Variants in FHAD1 observed in about 807,000 individuals in gnomAD.
FHAD1 encodes the protein forkhead associated phosphopeptide binding domain 1.
A neutral mutation model predicts 191.3 loss-of-function variants in FHAD1; 146 were observed. The ratio of observed to expected loss-of-function variants is 0.76; its 90% CI spans 0.67 to 0.88. The LOEUF (loss-of-function observed/expected upper bound fraction) is 0.88, where lower values mean the gene tolerates loss of function less well. Among genes scored for constraint, FHAD1 ranks in the 40% least tolerant of loss-of-function variants. The pLI, the probability that FHAD1 is intolerant of heterozygous loss-of-function variation, is 0.00. For synonymous variants in FHAD1, 616 were observed against 672.3 expected, an observed-to-expected ratio of 0.92 and a Z score of 1.29; for missense variants, 1,635 against 1,785.8, an observed-to-expected ratio of 0.92 and a Z score of 1.52.
At chr1:15,268,185 C>T (rs1400028776) in intron 2 of FHAD1, among the ~76,000 whole-genome samples, 1 of 141,652 alleles carries the variant, frequency 7.1e-6, no homozygotes, top group South Asian at 2.2e-4. Flanking sequence ...GTGATGTTCC[C>T]CTTCCTGTGT....
intron 3 of FHAD1, among the ~76,000 whole-genome samples, chr1:15,283,828 T>C (rs1661421113): frequency 6.6e-6 from 1 of 152,248 alleles, no homozygotes; most frequent in Admixed American, 6.5e-5. Flanking sequence ...CTTGGGGATT[T>C]TCACACCATC....
chr1:15,376,096 T>A (rs1463460025), intron 28 of FHAD1, among the ~76,000 whole-genome samples: 156 of 134,040 alleles, frequency 1.2e-3, no homozygotes, highest in African/African-American at 4.5e-3. Flanking sequence ...TTTATTTTTT[T>A]ATTTATTTTT....
intron 23 of FHAD1, 141 bp from the exon 24 acceptor site, chr1:15,365,686 T>C (rs1696211642): frequency 1.9e-6 from 1 of 525,626 alleles, no homozygotes; most frequent in Non-Finnish European, 3.5e-6. Flanking sequence ...TTTTGAAGAC[T>C]GTCCTCATCC....
chr1:15,322,666 G>A (rs187410709), intron 10 of FHAD1, among the ~76,000 whole-genome samples: 1 of 152,356 alleles, frequency 6.6e-6, no homozygotes, highest in East Asian at 1.9e-4. Context: ...CTATTTGACA[G>A]TATGGAGTTA....
intron 5 of FHAD1, among the ~76,000 whole-genome samples, chr1:15,300,768 A>G (rs543170905): frequency 1.5e-3 from 223 of 152,286 alleles, no homozygotes; most frequent in African/African-American, 5.1e-3. Flanking sequence ...AGTGACAGAG[A>G]GCCTCAAAGT....
At chr1:15,247,656 T>G (rs1015163775) in intron 1 of FHAD1, among the ~76,000 whole-genome samples, 2 of 152,114 alleles carry the variant, frequency 1.3e-5, no homozygotes, top group African/African-American at 4.8e-5. Flanking sequence ...TGGGAAGTCC[T>G]GGGGGTTACA....
intron 14 of FHAD1, chr1:15,334,200 G>C (rs1055926108): frequency 2.6e-5 from 4 of 152,044 alleles, no homozygotes; most frequent in African/African-American, 4.8e-5. Flanking sequence ...TGGTACATTA[G>C]GGTTAAGACT....
chr1:15,360,296 G>A (rs1694355710), intron 21 of FHAD1, among the ~76,000 whole-genome samples, 182 bp from the exon 22 acceptor site: 1 of 152,264 alleles, frequency 6.6e-6, no homozygotes, highest in Admixed American at 6.5e-5. Flanking sequence ...AGCCCTGAGA[G>A]TCAAGAAGGA....
chr1:15,293,453 C>T (rs1205025341), intron 4 of FHAD1, among the ~76,000 whole-genome samples: 2 of 152,158 alleles, frequency 1.3e-5, no homozygotes, highest in Admixed American at 6.5e-5. Flanking sequence ...GGCGCGGTGG[C>T]TCATGCCTGT....
At chr1:15,241,621 G>A (rs1242986255) in intron 1 of FHAD1, among the ~76,000 whole-genome samples, 1 of 151,894 alleles carries the variant, frequency 6.6e-6, no homozygotes, top group Non-Finnish European at 1.5e-5. Context: ...CTCTACCCTG[G>A]GTGATAAGAG....
At chr1:15,244,493 C>T (rs1752024), upstream of FHAD1, among the ~76,000 whole-genome samples, 97,229 of 151,904 alleles carry the variant, frequency 0.64, 32,443 homozygotes, top group African/African-American at 0.83. The surrounding 1 kb of genome is among the most constrained non-coding windows in gnomAD (Gnocchi z 5.1). Flanking sequence ...AGAGTTTGAC[C>T]AAAGACAAGC....
intron 33 of FHAD1, among the ~76,000 whole-genome samples, 176 bp from the exon 34 acceptor site, chr1:15,397,121 G>T (rs1193857477): frequency 2.6e-5 from 4 of 151,272 alleles, no homozygotes; most frequent in African/African-American, 9.7e-5. Flanking sequence ...AACCCAGGAG[G>T]CGGAGCTTGC....
intron 3 of FHAD1, among the ~76,000 whole-genome samples, chr1:15,282,642 T>C (rs1262328482): frequency 6.6e-6 from 1 of 152,236 alleles, no homozygotes; most frequent in Non-Finnish European, 1.5e-5. Context: ...GAAGAAACTA[T>C]TGGATAATAG....
At chr1:15,286,195 A>T (rs1662345448) in intron 3 of FHAD1, among the ~76,000 whole-genome samples, 1 of 152,140 alleles carries the variant, frequency 6.6e-6, no homozygotes, top group African/African-American at 2.4e-5. Flanking sequence ...TTTGTTATGT[A>T]TTTTTTTACA....
chr1:15,396,805 G>A (rs1706123590), intron 33 of FHAD1, among the ~76,000 whole-genome samples: 1 of 151,728 alleles, frequency 6.6e-6, no homozygotes, highest in Non-Finnish European at 1.5e-5. Flanking sequence ...ACAAGACTCT[G>A]TCTCAAAAAA....
At chr1:15,292,848 GGGAGGCTGAGGCA>G (rs1358489709) in intron 4 of FHAD1, among the ~76,000 whole-genome samples, 1 of 152,194 alleles carries the variant, frequency 6.6e-6, no homozygotes, top group African/African-American at 2.4e-5. Context: ...CCAGCAGTTT[GGGAGGCTGAGGCA>G]GGAGGATCCC....
At chr1:15,291,361 G>A (rs1664712527) in intron 4 of FHAD1, among the ~76,000 whole-genome samples, 1 of 152,148 alleles carries the variant, frequency 6.6e-6, no homozygotes, top group Admixed American at 6.5e-5. Flanking sequence ...GATTACAGGT[G>A]TGAGCCAACC....
At chr1:15,266,650 G>A (rs895164690) in intron 2 of FHAD1, among the ~76,000 whole-genome samples, 1 of 152,076 alleles carries the variant, frequency 6.6e-6, no homozygotes, top group Non-Finnish European at 1.5e-5. Context: ...AAAGTTCTGT[G>A]GGTTTTGACA....
chr1:15,392,336 T>G (rs894282799), intron 33 of FHAD1, among the ~76,000 whole-genome samples: 2 of 152,072 alleles, frequency 1.3e-5, no homozygotes, highest in South Asian at 2.1e-4. Flanking sequence ...ATCGAGACCA[T>G]CCTGGCTAAC....
Sources: allele counts gnomAD v4.1 joint callset (sites outside exome capture counted in the v4.1 genomes callset), GRCh38; gene constraint gnomAD v4.1.1; non-coding constraint Gnocchi (gnomAD v3.1); transcripts MANE v1.5; gene names NCBI Gene and HGNC (gene_info 2026-07-23, HGNC 2026-07-21).